JAZF1: variants seen among roughly 807,000 people sequenced by gnomAD.
JAZF1 encodes JAZF zinc finger 1, also known as juxtaposed with another zinc finger protein 1.
Under a neutral mutation model 26.4 loss-of-function variants are expected in JAZF1, and 8 were observed. The observed-to-expected ratio is 0.30, with a 90% CI of 0.18 to 0.55. The LOEUF (loss-of-function observed/expected upper bound fraction) is 0.55, where lower values mean the gene tolerates loss of function less well. Ranked by LOEUF, JAZF1 falls within the 20% of genes least tolerant of loss-of-function variation. The probability of loss-of-function intolerance (pLI) is 0.94; values close to 1 mark genes in which losing one functional copy is unlikely to be tolerated. For missense variants in JAZF1, 199 were observed against 322.0 expected (o/e 0.62, Z 2.92); for synonymous variants, 126 against 122.3 (o/e 1.03, Z -0.20).
chr7:27,941,651 G>A (rs1784849689), intron 2 of JAZF1, among the ~76,000 whole-genome samples: 1 of 152,144 alleles, frequency 6.6e-6, no homozygotes, highest in African/African-American at 2.4e-5. Context: ...ATGTAAATCA[G>A]AGTGCTTCTG....
At chr7:27,927,114 A>G (rs1446418379) in intron 2 of JAZF1, among the ~76,000 whole-genome samples, 1 of 152,206 alleles carries the variant, frequency 6.6e-6, no homozygotes, top group East Asian at 1.9e-4. Flanking sequence ...GTTGAGGAAC[A>G]GGGAGAAGGG....
chr7:28,015,927 C>G (rs969472051), intron 1 of JAZF1, among the ~76,000 whole-genome samples: 9 of 152,168 alleles, frequency 5.9e-5, no homozygotes, highest in African/African-American at 2.2e-4. Flanking sequence ...TGCCTCTCCC[C>G]TCACACCCAC....
chr7:27,902,791 C>T (rs1421027337), intron 2 of JAZF1, among the ~76,000 whole-genome samples: 1 of 152,084 alleles, frequency 6.6e-6, no homozygotes, highest in Admixed American at 6.6e-5. Flanking sequence ...CCGAGATGGG[C>T]AGATCACAAG....
At chr7:28,010,418 G>C (rs1010001747) in intron 1 of JAZF1, among the ~76,000 whole-genome samples, 1 of 152,050 alleles carries the variant, frequency 6.6e-6, no homozygotes, top group Non-Finnish European at 1.5e-5. Context: ...TAGGTCCCGG[G>C]TGCCTCAACA....
intron 1 of JAZF1, among the ~76,000 whole-genome samples, chr7:28,155,641 GC>G (rs1039801579): frequency 1.3e-5 from 2 of 152,150 alleles, no homozygotes; most frequent in Non-Finnish European, 2.9e-5. Flanking sequence ...AGTATGGAGG[GC>G]CTGGCCACCC....
Position 27,979,512 on chromosome 7 carries a change from C to T in JAZF1, c.188+12397G>A, listed in dbSNP as rs137893420. 5.3e-4 allele frequency among the ~76,000 whole-genome samples: 80 copies of T among 150,470 alleles called. 1 individual carries two copies. The East Asian group carries it at 0.014, about 26-fold the overall frequency. On this transcript the variant is annotated intron_variant, in intron 2 of 4. Coordinates refer to ENST00000283928, the MANE Select transcript of JAZF1 (RefSeq NM_175061.4). ...CAAGCAATCCTCTCATCTCAGCCTC[C>T]AAAACAGTTGAGATTACAGGTGTGA...
At chr7:27,846,366 T>C (rs911420088) in intron 3 of JAZF1, 3 of 389,190 alleles carry the variant, frequency 7.7e-6, no homozygotes, top group African/African-American at 2.1e-5. Flanking sequence ...CGTGTACATA[T>C]GTATACGTAC....
intron 1 of JAZF1, among the ~76,000 whole-genome samples, chr7:28,112,176 A>T (rs763146278): frequency 6.6e-6 from 1 of 152,234 alleles, no homozygotes; most frequent in African/African-American, 2.4e-5. Context: ...CCACTAGGAA[A>T]GAACTTTCTG....
At chr7:27,903,341 TCAC>T (rs535067819) in intron 2 of JAZF1, among the ~76,000 whole-genome samples, 37 of 152,238 alleles carry the variant, frequency 2.4e-4, no homozygotes, top group African/African-American at 4.1e-4. Context: ...CTACAGGCGT[TCAC>T]CACCACATCT....
intron 1 of JAZF1, among the ~76,000 whole-genome samples, chr7:28,054,443 A>G (rs1783665456): frequency 6.6e-6 from 1 of 152,126 alleles, no homozygotes; most frequent in African/African-American, 2.4e-5. Flanking sequence ...CGAAGAGAAC[A>G]CTGTACCATT....
chr7:28,131,263 T>C (rs976948670), intron 1 of JAZF1, among the ~76,000 whole-genome samples: 9 of 152,126 alleles, frequency 5.9e-5, no homozygotes, highest in African/African-American at 1.7e-4. Context: ...GTCAGTGATT[T>C]ATATATTCAC....
At chr7:28,166,964 T>C (rs1355802812) in intron 1 of JAZF1, among the ~76,000 whole-genome samples, 4 of 152,138 alleles carry the variant, frequency 2.6e-5, no homozygotes, top group Non-Finnish European at 4.4e-5. Flanking sequence ...TATGGAAATA[T>C]GAAGAGGACA....
intron 2 of JAZF1, among the ~76,000 whole-genome samples, chr7:27,969,181 G>C (rs1383060764): frequency 6.6e-6 from 1 of 152,200 alleles, no homozygotes; most frequent in Non-Finnish European, 1.5e-5. Flanking sequence ...AATTTGAAAT[G>C]AAAGAGTGAG....
intron 2 of JAZF1, among the ~76,000 whole-genome samples, chr7:27,921,257 T>TTG (rs1784524156): frequency 6.6e-6 from 1 of 152,138 alleles, no homozygotes; most frequent in African/African-American, 2.4e-5. Context: ...CCTAGTCTGT[T>TTG]TACCAGACTG....
chr7:27,917,029 G>A (rs1388046946), intron 2 of JAZF1, among the ~76,000 whole-genome samples: 2 of 152,158 alleles, frequency 1.3e-5, no homozygotes, highest in East Asian at 1.9e-4. Context: ...CCTTGAGCCC[G>A]GGAGCTGGAG....
intron 2 of JAZF1, among the ~76,000 whole-genome samples, chr7:27,948,923 G>A (rs999320471): frequency 2.0e-5 from 3 of 152,124 alleles, no homozygotes; most frequent in Non-Finnish European, 2.9e-5. Flanking sequence ...ATTTCTACCT[G>A]CCCTTAGAAG....
At chr7:27,995,023 A>C (rs978249109) in intron 1 of JAZF1, among the ~76,000 whole-genome samples, 2 of 152,210 alleles carry the variant, frequency 1.3e-5, no homozygotes, top group African/African-American at 4.8e-5. Context: ...ATATGAGGGC[A>C]GAAAGGATAC....
intron 1 of JAZF1, among the ~76,000 whole-genome samples, chr7:28,114,374 C>A (rs1272774650): frequency 2.0e-5 from 3 of 151,866 alleles, no homozygotes; most frequent in Non-Finnish European, 2.9e-5. Context: ...GAACTCACTG[C>A]GGGTTTGGTG....
chr7:28,107,972 G>A (rs996387028), intron 1 of JAZF1, among the ~76,000 whole-genome samples: 6 of 152,178 alleles, frequency 3.9e-5, no homozygotes, highest in African/African-American at 1.4e-4. Flanking sequence ...GAGCTCAGAA[G>A]GCATTTGCTC....
Sources: gnomAD v4.1 joint callset for allele counts (sites outside exome capture counted in the v4.1 genomes callset) on GRCh38, gnomAD v4.1.1 for gene constraint, MANE v1.5 for transcripts, NCBI Gene and HGNC (gene_info 2026-07-23, HGNC 2026-07-21) for gene names.